The following DNER variants were observed in gnomAD, a reference collection of about 807,000 sequenced individuals.
DNER encodes delta/notch like EGF repeat containing.
DNER carries 33 observed loss-of-function variants against 78.2 expected under a neutral mutation model. The ratio of observed to expected loss-of-function variants is 0.42; its 90% confidence interval spans 0.32 to 0.56. The LOEUF (loss-of-function observed/expected upper bound fraction) is 0.56, where lower values mean the gene tolerates loss of function less well. Among genes scored for constraint, DNER ranks in the 20% least tolerant of loss-of-function variants. DNER has a pLI of 0.11. For missense variants in DNER, 918 were observed against 975.3 expected (o/e 0.94, Z 0.78); for synonymous variants, 417 against 384.8 (o/e 1.08, Z -0.98).
At chr2:229,532,772 A>C (rs1696329485) in intron 5 of DNER, among the ~76,000 whole-genome samples, 1 of 152,230 alleles carries the variant, frequency 6.6e-6, no homozygotes, top group African/African-American at 2.4e-5. Flanking sequence ...AGATTTCTAT[A>C]ATTTTAATTG....
intron 1 of DNER, among the ~76,000 whole-genome samples, chr2:229,613,579 T>C (rs1559182857): frequency 6.6e-6 from 1 of 151,662 alleles, no homozygotes; most frequent in Non-Finnish European, 1.5e-5. Context: ...AAACATAATA[T>C]ATGGCGCAGG....
chr2:229,478,954 C>T (rs536707381), intron 6 of DNER, among the ~76,000 whole-genome samples: 33 of 152,250 alleles, frequency 2.2e-4, no homozygotes, highest in Admixed American at 7.2e-4. Context: ...CTTCCTGATG[C>T]TCTCCTTCCC....
At chr2:229,671,657 C>T (rs1373694932) in intron 1 of DNER, among the ~76,000 whole-genome samples, 3 of 152,188 alleles carry the variant, frequency 2.0e-5, no homozygotes, top group Non-Finnish European at 4.4e-5. Flanking sequence ...GAATTAATTG[C>T]TAGAGTCCCC....
At chr2:229,571,253 G>A (rs1378220270) in intron 4 of DNER, among the ~76,000 whole-genome samples, 1 of 152,052 alleles carries the variant, frequency 6.6e-6, no homozygotes, top group Non-Finnish European at 1.5e-5. Context: ...CCGATGTGCA[G>A]GAAGGAGGAA....
intron 4 of DNER, among the ~76,000 whole-genome samples, chr2:229,567,119 A>C (rs1697124424): frequency 6.6e-6 from 1 of 152,240 alleles, no homozygotes; most frequent in African/African-American, 2.4e-5. Context: ...TTCTGCCTAC[A>C]AGGGGTTTTC....
chr2:229,553,687 G>A (rs1696792577), intron 4 of DNER, among the ~76,000 whole-genome samples: 2 of 152,178 alleles, frequency 1.3e-5, no homozygotes, highest in Admixed American at 1.3e-4. Flanking sequence ...AAAGCCGCAG[G>A]TTCCTCCGTA....
intron 6 of DNER, among the ~76,000 whole-genome samples, chr2:229,481,469 G>C (rs1695156886): frequency 6.6e-6 from 1 of 152,234 alleles, no homozygotes; most frequent in East Asian, 1.9e-4. Flanking sequence ...GACCCTCAGA[G>C]AGCAGAGGCT....
chr2:229,469,609 G>A (rs1413180828), intron 7 of DNER, among the ~76,000 whole-genome samples: 1 of 152,176 alleles, frequency 6.6e-6, no homozygotes, highest in Non-Finnish European at 1.5e-5. Flanking sequence ...AAGTCTACTT[G>A]AGCCTCAGCT....
chr2:229,492,528 G>A (rs1695423210), intron 6 of DNER, among the ~76,000 whole-genome samples: 1 of 152,302 alleles, frequency 6.6e-6, no homozygotes, highest in Admixed American at 6.5e-5. Context: ...CGAGTGAAGA[G>A]GCCTGCATTC....
chr2:229,614,015 G>C (rs1173933690), intron 1 of DNER, among the ~76,000 whole-genome samples: 8 of 150,456 alleles, frequency 5.3e-5, no homozygotes, highest in Non-Finnish European at 7.4e-5. Context: ...ATCACACTCC[G>C]GGGCCTGTTG....
intron 1 of DNER, among the ~76,000 whole-genome samples, chr2:229,655,658 C>T (rs1260010868): frequency 1.3e-5 from 2 of 152,284 alleles, no homozygotes; most frequent in Non-Finnish European, 2.9e-5. Flanking sequence ...CACAAAATGT[C>T]ATGTCCATGT....
intron 10 of DNER, among the ~76,000 whole-genome samples, chr2:229,400,181 G>A (rs1426818560): frequency 1.3e-5 from 2 of 152,018 alleles, no homozygotes; most frequent in Non-Finnish European, 2.9e-5. Flanking sequence ...AAGGGGAGAA[G>A]GCTAGAACCA....
In DNER at chr2:229,585,780, C is replaced by G. The variant is rs1021445079; in HGVS notation, c.847+78G>C. 2.6e-6 allele frequency: 4 copies of G among 1,509,486 alleles called. No homozygotes were observed. The Admixed American group carries it at 7.9e-5, about 30-fold the overall frequency. The allele number at this position is 1,509,486 out of a possible 1,614,324, so 93.5% of individuals were successfully genotyped here. The stretch of plus-strand genomic sequence containing the variant: ...AATTCAGATTATCTGAGCAAAATTC[C>G]CTACCTACTGTCTCAACACCAAACC... On this transcript the variant is annotated intron_variant, in intron 4 of 12. Transcript: ENST00000341772.
intron 11 of DNER, among the ~76,000 whole-genome samples, chr2:229,385,670 A>C (rs207665): frequency 0.71 from 107,367 of 151,940 alleles, 38,277 homozygotes; most frequent in East Asian, 0.91. Flanking sequence ...CTTTCCTATA[A>C]ATCAATAATA....
intron 1 of DNER, among the ~76,000 whole-genome samples, chr2:229,599,681 T>C (rs549925470): frequency 6.6e-6 from 1 of 152,308 alleles, no homozygotes; most frequent in East Asian, 1.9e-4. Context: ...AATGCAACAC[T>C]ATCATGAAGG....
rs1692118992 is a variant in DNER at position 229,357,630 on chromosome 2, C to T, written c.*910G>A. The stretch of plus-strand genomic sequence containing the variant: ...CAAAGAACAAAAGAGACAACTGCAT[C>T]CTTGACTTGATCACATTTATTCAAT... On this transcript the variant is annotated 3_prime_UTR_variant, in exon 13 of 13. Coordinates refer to ENST00000341772, the MANE Select transcript of DNER (RefSeq NM_139072.4). 6.6e-6 allele frequency: 1 copy of T among 152,172 alleles called. No individual in the cohort carries two copies. The highest frequency in any genetic ancestry group is 2.4e-5 in the African/African-American group (1 of 41,426). 9.4% of individuals were successfully genotyped at this position (152,172 alleles called of 1,614,324 possible). A position where few individuals can be genotyped will look rare whatever the true frequency, so the allele number is the denominator to read the frequency against.
rs368276266 is a variant in DNER at position 229,550,572 on chromosome 2, C to T, written c.848-3480G>A. ...CAGGTGGATCATGAGGTCGGGAGAT[C>T]GAGACCATCCTGGTCAACATGGAGA... On this transcript the variant is annotated intron_variant, in intron 4 of 12. Coordinates refer to ENST00000341772, the MANE Select transcript of DNER (RefSeq NM_139072.4). 2.4e-4 allele frequency among the ~76,000 whole-genome samples: 37 copies of T among 151,926 alleles called. No homozygotes were observed. In the East Asian group the frequency reaches 6.3e-3, roughly 26 times the overall value.
intron 6 of DNER, among the ~76,000 whole-genome samples, chr2:229,503,898 T>C (rs115098965): frequency 6.6e-6 from 1 of 152,082 alleles, no homozygotes; most frequent in Non-Finnish European, 1.5e-5. Context: ...CACACCAACA[T>C]GCCCAGCTAA....
At chr2:229,418,765 C>CA (rs200372987) in intron 8 of DNER, among the ~76,000 whole-genome samples, 10,667 of 151,850 alleles carry the variant, frequency 0.07, 399 homozygotes, top group Middle Eastern at 0.16. Flanking sequence ...ACTAAAAATA[C>CA]AAAAAATTAG....
Sources: allele counts gnomAD v4.1 joint callset (sites outside exome capture counted in the v4.1 genomes callset), GRCh38; gene constraint gnomAD v4.1.1; transcripts MANE v1.5; gene names NCBI Gene and HGNC (gene_info 2026-07-23, HGNC 2026-07-21).